DPY19L2: variants seen among roughly 807,000 people sequenced by gnomAD.
DPY19L2 encodes dpy-19 like 2, also known as probable C-mannosyltransferase DPY19L2.
DPY19L2 carries 34 observed loss-of-function variants against 97.9 expected under a neutral mutation model. The observed-to-expected ratio is 0.35, with a 90% confidence interval of 0.26 to 0.46. The LOEUF (loss-of-function observed/expected upper bound fraction) is 0.46, where lower values mean the gene tolerates loss of function less well. DPY19L2 is among the 20% of genes least tolerant of loss of function. The pLI, the probability that DPY19L2 is intolerant of heterozygous loss-of-function variation, is 1.00. For synonymous variants in DPY19L2, 230 were observed against 307.9 expected, an observed-to-expected ratio of 0.75 and a Z score of 2.65; for missense variants, 623 against 911.4, an observed-to-expected ratio of 0.68 and a Z score of 4.07.
chr12:63,612,429 A>C (rs3965257), intron 11 of DPY19L2, among the ~76,000 whole-genome samples: 4 of 152,038 alleles, frequency 2.6e-5, no homozygotes, highest in Non-Finnish European at 4.4e-5. Context: ...TCTATATCAC[A>C]TGTTTAAGTA....
intron 6 of DPY19L2, among the ~76,000 whole-genome samples, chr12:63,642,672 C>T (rs1404972900): frequency 6.6e-6 from 1 of 152,022 alleles, no homozygotes; most frequent in Non-Finnish European, 1.5e-5. Flanking sequence ...TTGTCTATTG[C>T]TGTGCCAATA....
chr12:63,601,862 C>T (rs1260008710), intron 12 of DPY19L2, among the ~76,000 whole-genome samples: 2 of 152,042 alleles, frequency 1.3e-5, no homozygotes, highest in East Asian at 3.9e-4. Flanking sequence ...TCCATCACTA[C>T]TGCCATCATG....
At chr12:63,573,098 A>T (rs1445753087) in intron 19 of DPY19L2, among the ~76,000 whole-genome samples, 6 of 151,996 alleles carry the variant, frequency 3.9e-5, no homozygotes, top group Non-Finnish European at 7.4e-5. Context: ...CACCAAACAA[A>T]CTAAATAAGG....
chr12:63,632,598 A>C (rs910202803), intron 6 of DPY19L2, among the ~76,000 whole-genome samples: 2 of 152,162 alleles, frequency 1.3e-5, no homozygotes, highest in Non-Finnish European at 2.9e-5. Context: ...TTCCATGCTC[A>C]TGGGTAGGAA....
rs1592476584 is a variant in DPY19L2 at position 63,592,286 on chromosome 12, T to C, written c.1580+1801A>G. Reference sequence around the variant, plus strand: ...CTTTCTTCACAGAATTGGAAAAAACTACTTTCAAGTTCATATGGAACCAAA... The same window carrying C: ...CTTTCTTCACAGAATTGGAAAAAACCACTTTCAAGTTCATATGGAACCAAA... On this transcript the variant is annotated intron_variant, in intron 16 of 21. Coordinates refer to ENST00000324472, the MANE Select transcript of DPY19L2 (RefSeq NM_173812.5). Among the ~76,000 whole-genome samples the C allele has an allele frequency of 3.3e-5, 5 of 151,546 alleles. 1 individual carries two copies. Among genetic ancestry groups the C allele is most frequent in the African/African-American group, 1.2e-4 (5 of 41,344 alleles).
intron 11 of DPY19L2, among the ~76,000 whole-genome samples, chr12:63,610,513 C>A (rs897698631): frequency 2.0e-5 from 3 of 151,364 alleles, no homozygotes; most frequent in Non-Finnish European, 2.9e-5. Flanking sequence ...AATTAGATAA[C>A]TTATAAGAAA....
At chr12:63,591,112 C>T (rs750897687) in intron 16 of DPY19L2, 4 of 455,786 alleles carry the variant, frequency 8.8e-6, no homozygotes, top group Non-Finnish European at 1.8e-5. Context: ...GACACATTTC[C>T]CTGTGCTCCA....
At chr12:63,563,414 C>G (rs866072357) in intron 21 of DPY19L2, among the ~76,000 whole-genome samples, 2 of 152,160 alleles carry the variant, frequency 1.3e-5, no homozygotes, top group Admixed American at 6.5e-5. Context: ...TTCTTAGTAG[C>G]AAGTTACCTT....
chr12:63,628,301 G>T (rs1889931984), intron 6 of DPY19L2, among the ~76,000 whole-genome samples: 1 of 152,170 alleles, frequency 6.6e-6, no homozygotes, highest in South Asian at 2.1e-4. Context: ...AGGGGTCAGG[G>T]AATTCCCTTT....
intron 4 of DPY19L2, among the ~76,000 whole-genome samples, chr12:63,650,410 C>T (rs1444089632): frequency 6.6e-6 from 1 of 151,976 alleles, no homozygotes; most frequent in Non-Finnish European, 1.5e-5. Flanking sequence ...AATTTTATAC[C>T]TAGAAAGCCC....
chr12:63,567,927 A>AT lies in DPY19L2; in HGVS notation c.2126+1296dup, dbSNP rs997603868. Among the ~76,000 whole-genome samples, 9 of 151,678 alleles carry AT rather than the reference A, an allele frequency of 5.9e-5. No homozygotes were observed. In the South Asian group the frequency reaches 6.2e-4, roughly 10 times the overall value. ...TTTCAAGATTTTCTCTTAATCTTTG[A>AT]TTTTACCGTTGTGACTATAATGTTC... is the stretch of plus-strand genomic sequence containing the variant. On this transcript the variant is annotated intron_variant, in intron 21 of 21. Transcript: ENST00000324472.
At chr12:63,588,075 A>C (rs1882122837) in intron 16 of DPY19L2, among the ~76,000 whole-genome samples, 1 of 152,184 alleles carries the variant, frequency 6.6e-6, no homozygotes, top group African/African-American at 2.4e-5. Flanking sequence ...AAATGATGTG[A>C]ACTTTAGACA....
chr12:63,585,144 A>G (rs1881569913), intron 16 of DPY19L2, among the ~76,000 whole-genome samples: 1 of 152,054 alleles, frequency 6.6e-6, no homozygotes, highest in South Asian at 2.1e-4. Context: ...GTATGGATAC[A>G]ATACTTATCT....
chr12:63,616,487 G>C (rs1233554411), intron 11 of DPY19L2, among the ~76,000 whole-genome samples: 4 of 152,078 alleles, frequency 2.6e-5, no homozygotes, highest in African/African-American at 9.7e-5. Flanking sequence ...ACATGGAAAA[G>C]TGCTATATTT....
At chr12:63,562,227 C>T (rs998825177) in intron 21 of DPY19L2, among the ~76,000 whole-genome samples, 1 of 152,200 alleles carries the variant, frequency 6.6e-6, no homozygotes, top group African/African-American at 2.4e-5. Context: ...ATGAACATAT[C>T]CATCTCTCCC....
intron 6 of DPY19L2, among the ~76,000 whole-genome samples, chr12:63,638,809 C>T (rs1368407712): frequency 2.6e-5 from 4 of 152,116 alleles, no homozygotes; most frequent in Non-Finnish European, 1.5e-5. Context: ...ATGCCATCCC[C>T]ATCAAGCTAC....
chr12:63,643,543 G>T (rs1048471236), intron 6 of DPY19L2, among the ~76,000 whole-genome samples: 1 of 152,186 alleles, frequency 6.6e-6, no homozygotes, highest in African/African-American at 2.4e-5. Flanking sequence ...TCCACTGAAA[G>T]AAACAGAAAA....
intron 4 of DPY19L2, among the ~76,000 whole-genome samples, chr12:63,656,302 C>T (rs181237379): frequency 2.6e-4 from 40 of 152,210 alleles, no homozygotes; most frequent in African/African-American, 7.0e-4. Flanking sequence ...AATTCAAGAC[C>T]GTCAACCTCA....
At chr12:63,604,798 C>A (rs1367348156) in intron 12 of DPY19L2, among the ~76,000 whole-genome samples, 1 of 152,070 alleles carries the variant, frequency 6.6e-6, no homozygotes, top group Non-Finnish European at 1.5e-5. Flanking sequence ...TGCTTTAAAA[C>A]CCTTGTCACA....
Sources: gnomAD v4.1 joint callset for allele counts (sites outside exome capture counted in the v4.1 genomes callset) on GRCh38, gnomAD v4.1.1 for gene constraint, MANE v1.5 for transcripts, NCBI Gene and HGNC (gene_info 2026-07-23, HGNC 2026-07-21) for gene names.